PPP1R12B: variants seen among roughly 807,000 people sequenced by gnomAD.
The protein encoded by PPP1R12B is protein phosphatase 1 regulatory subunit 12B.
A neutral mutation model predicts 126.1 loss-of-function variants in PPP1R12B; 76 were observed. That is an observed-to-expected ratio of 0.60 (90% CI 0.50 to 0.73). The LOEUF is 0.73. Among genes scored for constraint, PPP1R12B ranks in the 30% least tolerant of loss-of-function variants. The pLI, the probability that PPP1R12B is intolerant of heterozygous loss-of-function variation, is 0.00. For missense variants in PPP1R12B, 1,052 were observed against 1,205.1 expected (o/e 0.87, Z 1.88); for synonymous variants, 356 against 434.7 (o/e 0.82, Z 2.25).
At chr1:202,461,411 A>G (rs756784128) in intron 13 of PPP1R12B, among the ~76,000 whole-genome samples, 1 of 152,172 alleles carries the variant, frequency 6.6e-6, no homozygotes, top group Middle Eastern at 3.2e-3. Context: ...GAGACAGACT[A>G]TGTGAAAGTG....
chr1:202,579,882 GA>G (rs1689431988), intron 23 of PPP1R12B, among the ~76,000 whole-genome samples: 1 of 152,166 alleles, frequency 6.6e-6, no homozygotes, highest in African/African-American at 2.4e-5. Flanking sequence ...GTTGAAAGTG[GA>G]TATGTATAGT....
chr1:202,361,378 A>C (rs760529691), intron 1 of PPP1R12B, among the ~76,000 whole-genome samples: 68 of 152,334 alleles, frequency 4.5e-4, no homozygotes, highest in Middle Eastern at 3.4e-3. Flanking sequence ...GTCATGCAAA[A>C]GGCAAAGGGG....
intron 23 of PPP1R12B, among the ~76,000 whole-genome samples, chr1:202,573,218 A>G (rs1195098143): frequency 1.3e-5 from 2 of 152,064 alleles, no homozygotes; most frequent in Non-Finnish European, 2.9e-5. Context: ...TCCCTCCTCT[A>G]TCCTCACCAT....
chr1:202,370,001 G>A (rs1240559643), intron 1 of PPP1R12B: 1 of 157,318 alleles, frequency 6.4e-6, no homozygotes, highest in Non-Finnish European at 1.4e-5. Context: ...TCACCATGTT[G>A]TCCAGGCTAG....
intron 13 of PPP1R12B, among the ~76,000 whole-genome samples, chr1:202,460,534 G>A (rs1022870531): frequency 6.7e-6 from 1 of 149,632 alleles, no homozygotes; most frequent in African/African-American, 2.4e-5. Context: ...ATTCAAAAAG[G>A]TACTCAAAGA....
intron 3 of PPP1R12B, among the ~76,000 whole-genome samples, chr1:202,424,295 A>G (rs1402308150): frequency 6.6e-6 from 1 of 151,380 alleles, no homozygotes; most frequent in Admixed American, 6.6e-5. Flanking sequence ...AAAATCACAC[A>G]GATAATACTT....
intron 18 of PPP1R12B, among the ~76,000 whole-genome samples, chr1:202,523,771 T>C (rs575584215): frequency 7.2e-5 from 11 of 152,154 alleles, no homozygotes; most frequent in Admixed American, 3.9e-4. Flanking sequence ...ATGGAGTGCA[T>C]TGGCGCCATC....
In PPP1R12B at chr1:202,452,728, G is replaced by A. The variant is rs190843298; in HGVS notation, c.1850+3557G>A. 8.2e-3 allele frequency among the ~76,000 whole-genome samples: 1,249 copies of A among 152,036 alleles called. 57 individuals carry two copies. The highest frequency in any genetic ancestry group is 0.074 in the Admixed American group (1,127 of 15,290). ...TTTATTGAATTTTTCAGTTCTAATA[G>A]TTTTTTTGGTGGAGTCTTTAGGTTT... On this transcript the variant is annotated intron_variant, in intron 13 of 23. Transcript: ENST00000608999.
intron 12 of PPP1R12B, chr1:202,444,962 G>A: frequency 8.8e-7 from 1 of 1,133,332 alleles, no homozygotes; most frequent in Non-Finnish European, 1.1e-6. Flanking sequence ...CATTTCAAGT[G>A]CACAATCTGG....
intron 14 of PPP1R12B, 41 bp from the exon 15 acceptor site, chr1:202,493,073 G>A: frequency 6.4e-7 from 1 of 1,571,900 alleles, no homozygotes; most frequent in East Asian, 2.2e-5. Context: ...GTTATTCCAT[G>A]GTTAGTGTGA....
intron 10 of PPP1R12B, chr1:202,439,591 C>T: frequency 8.7e-6 from 10 of 1,150,412 alleles, no homozygotes; most frequent in Non-Finnish European, 1.3e-5. Context: ...CCGCCACCCC[C>T]TCTGTACACC....
rs918111920 is a variant in PPP1R12B, at chr1:202,439,498, G to A, written c.1459-1208G>A. The A allele has an allele frequency of 3.3e-6, 5 of 1,526,290 alleles. No homozygotes were observed. The African/African-American group carries it at 6.8e-5, about 21-fold the overall frequency. The allele number at this position is 1,526,290 out of a possible 1,614,324, so 94.5% of individuals were successfully genotyped here. ...GGTGCCTGGTCCAGCCCATGGAAGTGGCTGTTTGGGGCGACTGCTGTTGCC... is the reference window on the plus strand; with the variant it reads ...GGTGCCTGGTCCAGCCCATGGAAGTAGCTGTTTGGGGCGACTGCTGTTGCC... On this transcript the variant is annotated intron_variant, in intron 10 of 23. Transcript: ENST00000608999.
At position 202,477,601 on chromosome 1, in the gene PPP1R12B, C is replaced by A. The variant is rs139660324; in HGVS notation, c.1851-10932C>A. On this transcript the variant is annotated intron_variant, in intron 13 of 23. Coordinates refer to ENST00000608999, the MANE Select transcript of PPP1R12B (RefSeq NM_002481.4). ...CTTTTTTATTTGAAACAGGCTCTCA[C>A]TCTGTCACCCTGGGCTAGAGTGCAG... Among the ~76,000 whole-genome samples, 19 of 152,240 alleles carry A rather than the reference C, an allele frequency of 1.2e-4. No individual in the cohort carries two copies. In the East Asian group the frequency reaches 2.9e-3, roughly 23 times the overall value.
At chr1:202,555,331 A>AAAAAAAAAG in intron 18 of PPP1R12B, among the ~76,000 whole-genome samples, 1 of 132,966 alleles carries the variant, frequency 7.5e-6, no homozygotes, top group Non-Finnish European at 1.7e-5. Flanking sequence ...TAATGAAAAA[A>AAAAAAAAAG]AAAAAAAAAA....
At chr1:202,428,693 G>A in intron 5 of PPP1R12B, 162 bp from the exon 6 acceptor site, 2 of 614,722 alleles carry the variant, frequency 3.3e-6, no homozygotes, top group Admixed American at 6.8e-5. Flanking sequence ...TGTCCTGTGT[G>A]ATAGATGAAG....
chr1:202,569,884 G>A (rs1228047657), intron 23 of PPP1R12B, among the ~76,000 whole-genome samples: 5 of 152,166 alleles, frequency 3.3e-5, no homozygotes, highest in East Asian at 1.9e-4. Context: ...AGTTTTGAGT[G>A]CTAAGAACTG....
At chr1:202,519,778 T>G (rs1238462371) in intron 18 of PPP1R12B, among the ~76,000 whole-genome samples, 1 of 152,212 alleles carries the variant, frequency 6.6e-6, no homozygotes, top group Non-Finnish European at 1.5e-5. Context: ...ATATATCTGG[T>G]CAGTTTGATA....
intron 23 of PPP1R12B, chr1:202,575,539 T>TTAGCCAATAGC (rs1323250459): frequency 2.6e-5 from 4 of 155,550 alleles, no homozygotes; most frequent in African/African-American, 9.6e-5. Context: ...TTGATCTTTC[T>TTAGCCAATAGC]TAGCCAATAG....
At chr1:202,399,391 T>C (rs1396824691) in intron 1 of PPP1R12B, among the ~76,000 whole-genome samples, 1 of 152,124 alleles carries the variant, frequency 6.6e-6, no homozygotes, top group Admixed American at 6.5e-5. Context: ...CAGTGAATTT[T>C]TTAATTTTTT....
Sources: gnomAD v4.1 joint callset for allele counts (sites outside exome capture counted in the v4.1 genomes callset) on GRCh38, gnomAD v4.1.1 for gene constraint, MANE v1.5 for transcripts, NCBI Gene and HGNC (gene_info 2026-07-23, HGNC 2026-07-21) for gene names.